Variants in CAMTA1 observed in about 807,000 individuals in gnomAD.
CAMTA1 encodes calmodulin-binding transcription activator 1.
A neutral mutation model predicts 170.9 loss-of-function variants in CAMTA1; 27 were observed. That is an observed-to-expected ratio of 0.16 (90% CI 0.12 to 0.22). The LOEUF (loss-of-function observed/expected upper bound fraction) is 0.22, where lower values mean the gene tolerates loss of function less well. Ranked by LOEUF, CAMTA1 falls within the 10% of genes least tolerant of loss-of-function variation. The pLI, the probability that CAMTA1 is intolerant of heterozygous loss-of-function variation, is 1.00. For missense variants in CAMTA1, 1,619 were observed against 2,217.2 expected, an observed-to-expected ratio of 0.73 and a Z score of 5.42; for synonymous variants, 833 against 891.5, an observed-to-expected ratio of 0.93 and a Z score of 1.17.
chr1:7,492,700 C>T (rs1433874389), intron 6 of CAMTA1, among the ~76,000 whole-genome samples: 4 of 149,396 alleles, frequency 2.7e-5, no homozygotes, highest in Non-Finnish European at 2.9e-5. Context: ...CCTACAAACA[C>T]ACACGCAGGC....
intron 3 of CAMTA1, among the ~76,000 whole-genome samples, chr1:7,030,869 C>T (rs530609064): frequency 2.8e-4 from 42 of 151,028 alleles, no homozygotes; most frequent in South Asian, 1.5e-3. Context: ...GATCCTTGCT[C>T]TGTTGCCCAG....
At chr1:7,261,072 A>C (rs888426780) in intron 5 of CAMTA1, among the ~76,000 whole-genome samples, 3 of 152,200 alleles carry the variant, frequency 2.0e-5, no homozygotes, top group Admixed American at 1.3e-4. Flanking sequence ...ATTATTATTA[A>C]ATCTGGAATG....
At position 7,216,839 on chromosome 1, in the gene CAMTA1, T is replaced by G. The variant is rs1305043044; in HGVS notation, c.303-32652T>G. Among the ~76,000 whole-genome samples, 1 of 152,216 alleles carries G rather than the reference T, an allele frequency of 6.6e-6. No homozygotes were observed. ...CAATTTCCTCTCCTGTAAAAGTGGT[T>G]GTAGTCTTGTTTGGTGCACTAATAC... On this transcript the variant is annotated intron_variant, in intron 4 of 22. Transcript: ENST00000303635. This position sits in a 1 kb window ranked among gnomAD's most constrained non-coding sequence, Gnocchi z 4.0.
chr1:7,372,447 A>AT (rs1441707650), intron 5 of CAMTA1, among the ~76,000 whole-genome samples: 2 of 152,224 alleles, frequency 1.3e-5, no homozygotes, highest in African/African-American at 2.4e-5. Context: ...AAGTATCCAC[A>AT]TCCTACCCCA....
Position 7,736,407 on chromosome 1 carries a change from A to G in CAMTA1, c.3130A>G (p.Lys1044Glu). 1.9e-6 allele frequency: 3 copies of G among 1,613,974 alleles called. No individual in the cohort carries two copies. Among genetic ancestry groups the G allele is most frequent in the Non-Finnish European group, 2.5e-6 (3 of 1,180,012 alleles). Reference sequence around the variant, plus strand: ...GAGCCGTGTGGTCGTGGTATGCGAGAAGATGATGAGCCGAGCCTGCTGGGC... The same window carrying G: ...GAGCCGTGTGGTCGTGGTATGCGAGGAGATGATGAGCCGAGCCTGCTGGGC... ...FESRVVVVCE[K>E]MMSRACWAKS... Residue 1044 changes from lysine to glutamate, a missense_variant, in exon 13 of 23, where the codon AAG becomes GAG. Lys to Glu is a moderately conservative substitution (Grantham distance 56). Transcript: ENST00000303635. This position sits in a 1 kb window ranked among gnomAD's most constrained non-coding sequence, Gnocchi z 4.5.
At chr1:7,338,974 G>T (rs1362650500) in intron 5 of CAMTA1, among the ~76,000 whole-genome samples, 1 of 152,182 alleles carries the variant, frequency 6.6e-6, no homozygotes, top group Non-Finnish European at 1.5e-5. Flanking sequence ...TTACATGCCT[G>T]GAGCAGGAGG....
intron 4 of CAMTA1, among the ~76,000 whole-genome samples, chr1:7,187,297 G>A (rs572643624): frequency 6.6e-6 from 1 of 152,272 alleles, no homozygotes; most frequent in East Asian, 1.9e-4. Context: ...GAAGACAGTG[G>A]TGGTGTCTGC....
intron 11 of CAMTA1, among the ~76,000 whole-genome samples, chr1:7,703,309 G>A (rs1209554936): frequency 2.6e-5 from 4 of 152,138 alleles, no homozygotes; most frequent in African/African-American, 9.7e-5. Flanking sequence ...TGACCCGGGG[G>A]GCGGGCGAGG....
intron 22 of CAMTA1, among the ~76,000 whole-genome samples, chr1:7,759,044 G>A (rs2096955188): frequency 6.6e-6 from 1 of 151,930 alleles, no homozygotes; most frequent in African/African-American, 2.4e-5. Context: ...CCAGCTACTG[G>A]AGGCTGAGGT....
chr1:7,186,250 C>T (rs754017402), intron 4 of CAMTA1, among the ~76,000 whole-genome samples: 1 of 152,074 alleles, frequency 6.6e-6, no homozygotes, highest in Non-Finnish European at 1.5e-5. Flanking sequence ...GAAGGATATA[C>T]AAAAATTGTA....
chr1:7,198,296 C>T (rs940842469), intron 4 of CAMTA1, among the ~76,000 whole-genome samples: 6 of 151,990 alleles, frequency 3.9e-5, no homozygotes, highest in East Asian at 1.9e-4. Flanking sequence ...GAGGTGGGCT[C>T]ACCACAGTTT....
At chr1:7,367,649 G>T (rs183084534) in intron 5 of CAMTA1, among the ~76,000 whole-genome samples, 277 of 152,344 alleles carry the variant, frequency 1.8e-3, no homozygotes, top group Middle Eastern at 6.8e-3. Context: ...CTCTACTCCT[G>T]GGACATTACA....
chr1:7,650,699 C>A (rs921040556), intron 7 of CAMTA1, among the ~76,000 whole-genome samples: 2 of 152,194 alleles, frequency 1.3e-5, no homozygotes, highest in Non-Finnish European at 2.9e-5. Context: ...TCCCGTCCCC[C>A]CTCAGCCTCT....
In CAMTA1 at chr1:7,007,670, G is replaced by A. The variant is rs770839652; in HGVS notation, c.235-83634G>A. Among the ~76,000 whole-genome samples, 1 of 152,148 alleles carries A rather than the reference G, an allele frequency of 6.6e-6. No homozygotes were observed. Among genetic ancestry groups the A allele is most frequent in the East Asian group, 1.9e-4 (1 of 5,176 alleles). ...GGTGGCCGGGCCCTGTCAGTGCTGC[G>A]GAGGTGAGCTCCTTCTGAAAGGACC... is the stretch of plus-strand genomic sequence containing the variant. On this transcript the variant is annotated intron_variant, in intron 3 of 22. Transcript: ENST00000303635. This position sits in a 1 kb window ranked among gnomAD's most constrained non-coding sequence, Gnocchi z 4.5.
intron 6 of CAMTA1, among the ~76,000 whole-genome samples, chr1:7,537,381 A>G (rs1056078560): frequency 3.9e-5 from 6 of 152,338 alleles, no homozygotes; most frequent in African/African-American, 1.2e-4. Flanking sequence ...GCCAGCAGCC[A>G]GGTGCAGCCC....
intron 11 of CAMTA1, among the ~76,000 whole-genome samples, chr1:7,695,398 A>C (rs2096365270): frequency 6.6e-6 from 1 of 152,178 alleles, no homozygotes; most frequent in East Asian, 1.9e-4. Context: ...TCATTTTTTC[A>C]TTCCCAGTAA....
intron 6 of CAMTA1, among the ~76,000 whole-genome samples, chr1:7,577,860 C>T (rs1048521506): frequency 6.6e-6 from 1 of 152,122 alleles, no homozygotes; most frequent in Non-Finnish European, 1.5e-5. Context: ...AAATAGATGG[C>T]GGGCCAGATT....
At chr1:7,184,707 A>G (rs1210011320) in intron 4 of CAMTA1, among the ~76,000 whole-genome samples, 1 of 152,306 alleles carries the variant, frequency 6.6e-6, no homozygotes, top group East Asian at 1.9e-4. Flanking sequence ...TTCTCTGAGT[A>G]TATCTGTTTA....
At chr1:6,876,324 T>C (rs1266101646) in intron 3 of CAMTA1, among the ~76,000 whole-genome samples, 2 of 152,068 alleles carry the variant, frequency 1.3e-5, no homozygotes, top group African/African-American at 4.8e-5. Context: ...TACCACAGAG[T>C]TGACGTGCAA....
Sources: gnomAD v4.1 joint callset for allele counts (sites outside exome capture counted in the v4.1 genomes callset) on GRCh38, gnomAD v4.1.1 for gene constraint, Gnocchi (gnomAD v3.1) non-coding constraint, MANE v1.5 for transcripts, NCBI Gene and HGNC (gene_info 2026-07-23, HGNC 2026-07-21) for gene names.